The following APOH variants were observed in gnomAD, a reference collection of about 807,000 sequenced individuals.
The protein encoded by APOH is apolipoprotein H.
In APOH, 48 loss-of-function variants were observed where a neutral mutation model predicts 39.8. That is an observed-to-expected ratio of 1.21 (90% CI 0.96 to 1.54). The LOEUF (loss-of-function observed/expected upper bound fraction) is 1.54. Among genes scored for constraint, APOH ranks in the 40% most tolerant of loss-of-function variants. The probability of loss-of-function intolerance (pLI) is 0.00; values close to 1 mark genes in which losing one functional copy is unlikely to be tolerated. For synonymous variants in APOH, 153 were observed against 151.1 expected (o/e 1.01, Z -0.09); for missense variants, 415 against 421.2 (o/e 0.99, Z 0.13).
At chr17:66,228,344 T>C in intron 1 of APOH, 148 bp from the exon 2 acceptor site, 2 of 765,788 alleles carry the variant, frequency 2.6e-6, no homozygotes, top group Non-Finnish European at 4.1e-6. Context: ...CTATCTCATC[T>C]AATCCCCTCA....
chr17:66,217,016 A>C, intron 5 of APOH, 49 bp from the exon 6 acceptor site: 1 of 1,414,998 alleles, frequency 7.1e-7, no homozygotes, highest in Non-Finnish European at 9.5e-7. Flanking sequence ...AGTGCTATCC[A>C]ATAGTCATGA....
chr17:66,226,304 T>C (rs938455853), intron 2 of APOH, among the ~76,000 whole-genome samples, 180 bp from the exon 3 acceptor site: 2 of 152,218 alleles, frequency 1.3e-5, no homozygotes, highest in African/African-American at 2.4e-5. Flanking sequence ...ACAAGTGATA[T>C]ATGTACAAAA....
intron 6 of APOH, among the ~76,000 whole-genome samples, chr17:66,215,133 G>A (rs1052211955): frequency 2.0e-5 from 3 of 152,136 alleles, no homozygotes; most frequent in African/African-American, 7.2e-5. Flanking sequence ...CCAGGGTCAG[G>A]GAAGGGAGCA....
Position 66,214,639 on chromosome 17 carries a change from CT to C in APOH, c.795del (p.Val266TyrfsTer3), listed in dbSNP as rs748621656. The C allele has an allele frequency of 1.2e-6, 2 of 1,611,060 alleles. No homozygotes were observed. Among genetic ancestry groups the C allele is most frequent in the South Asian group, 2.2e-5 (2 of 90,830 alleles). On this transcript the variant is annotated frameshift_variant, in exon 7 of 8. Coordinates refer to ENST00000205948, the MANE Select transcript of APOH (RefSeq NM_000042.3). LOFTEE classifies it high-confidence loss of function. ...ACCACAGTGGCTTTTTTCACAGGTA[CT>C]TTACAAGATGCTGAAAGAGAGAATA... is the stretch of plus-strand genomic sequence containing the variant. ...SAMPSCKASC[K>X]VPVKKATVVY...
chr17:66,213,452 C>T (rs1314029637), intron 7 of APOH, among the ~76,000 whole-genome samples: 2 of 152,124 alleles, frequency 1.3e-5, no homozygotes, highest in Non-Finnish European at 2.9e-5. Context: ...ATCTTTAGAC[C>T]AATTATCATT....
chr17:66,228,022 GTACATTTCAGAGTGT>G lies in APOH; in HGVS notation c.224_238del (p.Asn75_Cys79del), dbSNP rs2073449985. 1.9e-6 allele frequency: 3 copies of G among 1,612,850 alleles called. No individual in the cohort carries two copies. In the South Asian group the frequency reaches 3.3e-5, roughly 18 times the overall value. On this transcript the variant is annotated inframe_deletion, in exon 2 of 8. Transcript: ENST00000205948. Reference sequence around the variant, plus strand: ...TGTGAGAGAAGGTACTGACTTACGTGTACATTTCAGAGTGTTGATGGGCCACAGTCCTGTGAGAGG... The same window carrying G: ...TGTGAGAGAAGGTACTGACTTACGTGTGATGGGCCACAGTCCTGTGAGAGG...
chr17:66,214,964 A>G (rs1412602241), intron 6 of APOH, among the ~76,000 whole-genome samples: 1 of 150,580 alleles, frequency 6.6e-6, no homozygotes, highest in Non-Finnish European at 1.5e-5. Context: ...TTGACATTTC[A>G]TGTAAGCCTA....
chr17:66,214,242 A>G (rs1259965572), intron 7 of APOH, among the ~76,000 whole-genome samples: 2 of 152,132 alleles, frequency 1.3e-5, no homozygotes, highest in East Asian at 3.9e-4. Context: ...TATTTTTAGT[A>G]GAGACAGACT....
rs1435286143 is a variant in APOH at position 66,220,759 on chromosome 17, C to T, written c.416-17G>A. 4.4e-6 allele frequency: 7 copies of T among 1,585,672 alleles called. No individual in the cohort carries two copies. Among genetic ancestry groups the T allele is most frequent in the Non-Finnish European group, 6.0e-6 (7 of 1,161,252 alleles). On this transcript the variant is annotated splice_polypyrimidine_tract_variant and intron_variant, in intron 4 of 7. Coordinates refer to ENST00000205948, the MANE Select transcript of APOH (RefSeq NM_000042.3). ...AGATGATGGCTGGGAAAATAAAGAA[C>T]TATCATTTCTATGAAAATAGTTAAG...
intron 5 of APOH, among the ~76,000 whole-genome samples, chr17:66,219,280 G>A (rs7212060): frequency 1.3e-5 from 2 of 151,932 alleles, no homozygotes; most frequent in South Asian, 4.1e-4. Flanking sequence ...CAGGCTGAAG[G>A]CTTTATGGGC....
chr17:66,226,163 CT>C (rs1018721656), intron 2 of APOH, 39 bp from the exon 3 acceptor site: 3 of 1,424,458 alleles, frequency 2.1e-6, no homozygotes, highest in Non-Finnish European at 2.9e-6. Context: ...TTTCTTTGGG[CT>C]AAAAAAAAAC....
Position 66,212,198 on chromosome 17 carries a change from G to T in APOH, c.983-10C>A, listed in dbSNP as rs199836919. On this transcript the variant is annotated splice_polypyrimidine_tract_variant and intron_variant, in intron 7 of 7. Transcript: ENST00000205948. ...GCCAGAGAACTGTGTTCTGTTGGGG[G>T]AGAAAAAGATAAACATTCTAAGAGA... 6.3e-5 allele frequency: 101 copies of T among 1,610,982 alleles called. No homozygotes were observed. The African/African-American group carries it at 1.2e-3, about 19-fold the overall frequency.
intron 5 of APOH, 102 bp from the exon 6 acceptor site, chr17:66,217,069 G>T: frequency 2.0e-6 from 2 of 985,178 alleles, no homozygotes; most frequent in Non-Finnish European, 2.8e-6. Context: ...GAATCACTGT[G>T]TGTTCCTGTA....
At chr17:66,223,208 T>C (rs1346095200) in intron 4 of APOH, among the ~76,000 whole-genome samples, 1 of 152,240 alleles carries the variant, frequency 6.6e-6, no homozygotes, top group African/African-American at 2.4e-5. Flanking sequence ...CCTTTGGCCT[T>C]GCAGCCTCAG....
chr17:66,228,280 G>A, intron 1 of APOH, 84 bp from the exon 2 acceptor site: 3 of 1,439,418 alleles, frequency 2.1e-6, no homozygotes, highest in Non-Finnish European at 2.9e-6. Flanking sequence ...AAAAATGTGT[G>A]TACTGTTACC....
At position 66,228,105 on chromosome 17, in the gene APOH, C is replaced by A. The variant is rs1017001765; in HGVS notation, c.156G>T (p.Lys52Asn). Reference sequence around the variant, plus strand: ...TCCCTCCTCGGGACACATAGCCCGGCTTGCAGGAATACGTAATCTCTTCTC... The same window carrying A: ...TCCCTCCTCGGGACACATAGCCCGGATTGCAGGAATACGTAATCTCTTCTC... ...EPGEEITYSC[K>N]PGYVSRGGMR... Residue 52 changes from lysine (K) to asparagine (N), a missense_variant, in exon 2 of 8, where the codon AAG becomes AAT. Physicochemically the swap from Lys to Asn is moderately conservative, Grantham distance 94. This residue lies in a region of APOH where 288 missense variants were observed against 284.9 expected (regional missense o/e 1.01). Transcript: ENST00000205948. 2.5e-6 allele frequency: 4 copies of A among 1,614,098 alleles called. No homozygotes were observed. Among genetic ancestry groups the A allele is most frequent in the Non-Finnish European group, 3.4e-6 (4 of 1,180,046 alleles).
chr17:66,221,752 C>G (rs1055892222), intron 4 of APOH, among the ~76,000 whole-genome samples: 2 of 152,064 alleles, frequency 1.3e-5, no homozygotes, highest in African/African-American at 2.4e-5. Flanking sequence ...CTTCAGGAAC[C>G]CAGAGAGATA....
chr17:66,220,480 G>T, intron 5 of APOH, 74 bp downstream of exon 5: 1 of 1,431,330 alleles, frequency 7.0e-7, no homozygotes, highest in Non-Finnish European at 9.7e-7. Context: ...CTCCATGATA[G>T]TCAGAATTTT....
intron 1 of APOH, 139 bp from the exon 2 acceptor site, chr17:66,228,335 T>G (rs2073452211): frequency 1.3e-6 from 1 of 791,872 alleles, no homozygotes; most frequent in Admixed American, 2.8e-5. Flanking sequence ...TCATATACAC[T>G]ATCTCATCTA....
Sources: gnomAD v4.1 joint callset for allele counts (sites outside exome capture counted in the v4.1 genomes callset) on GRCh38, gnomAD v4.1.1 for gene constraint, gnomAD v4.1.1 regional missense constraint, MANE v1.5 for transcripts, NCBI Gene and HGNC (gene_info 2026-07-23, HGNC 2026-07-21) for gene names.